The following NRXN3 variants were observed in gnomAD, a reference collection of about 807,000 sequenced individuals.
NRXN3 encodes neurexin 3.
Under a neutral mutation model 137.6 loss-of-function variants are expected in NRXN3, and 32 were observed. The ratio of observed to expected loss-of-function variants is 0.23; its 90% CI spans 0.18 to 0.31. The LOEUF is 0.31. NRXN3 is among the 10% of genes least tolerant of loss of function. NRXN3 has a pLI of 1.00. For synonymous variants in NRXN3, 798 were observed against 784.5 expected, an observed-to-expected ratio of 1.02 and a Z score of -0.29; for missense variants, 1,574 against 2,062.5, an observed-to-expected ratio of 0.76 and a Z score of 4.59.
At chr14:79,748,895 A>G (rs1326552422) in intron 19 of NRXN3, among the ~76,000 whole-genome samples, 1 of 151,818 alleles carries the variant, frequency 6.6e-6, no homozygotes, top group Non-Finnish European at 1.5e-5. Flanking sequence ...AAACATTGTG[A>G]TTGTGGCAGA....
intron 3 of NRXN3, among the ~76,000 whole-genome samples, chr14:78,284,809 G>A (rs1756454549): frequency 6.6e-6 from 1 of 152,044 alleles, no homozygotes; most frequent in South Asian, 2.1e-4. Context: ...TTAGATCCCA[G>A]CCATTGTTCT....
At chr14:79,279,278 G>C in intron 15 of NRXN3, 1 of 909,078 alleles carries the variant, frequency 1.1e-6, no homozygotes, top group Non-Finnish European at 1.3e-6. Context: ...TCCGGAGCCA[G>C]CCAGTCCCTC....
intron 10 of NRXN3, among the ~76,000 whole-genome samples, chr14:78,903,490 C>T (rs1259790040): frequency 3.3e-5 from 5 of 151,808 alleles, no homozygotes; most frequent in African/African-American, 7.3e-5. Flanking sequence ...GGTGCAGGTG[C>T]GTAAGACATA....
intron 4 of NRXN3, 42 bp downstream of exon 4, chr14:78,297,902 CT>C: frequency 6.5e-7 from 1 of 1,535,502 alleles, no homozygotes. Context: ...GCCTGAACTG[CT>C]TGCCTCCGTG....
rs1314882563 is a variant in NRXN3, at chr14:79,726,553, G to T, written c.4014+28616G>T. ...TTTAATTGATTTGTAAAGGTTAGTT[G>T]CTCAGTACTAGTGGAAAGTTTCATG... On this transcript the variant is annotated intron_variant, in intron 19 of 20. Transcript: ENST00000335750. 2.6e-5 allele frequency among the ~76,000 whole-genome samples: 4 copies of T among 152,216 alleles called. 1 individual carries two copies. In the East Asian group the frequency reaches 7.7e-4, roughly 29 times the overall value.
At chr14:79,371,733 G>A (rs1043839994) in intron 15 of NRXN3, among the ~76,000 whole-genome samples, 2 of 152,038 alleles carry the variant, frequency 1.3e-5, no homozygotes, top group Non-Finnish European at 2.9e-5. Context: ...GAACGTATAC[G>A]TTTGTGGGGA....
intron 4 of NRXN3, among the ~76,000 whole-genome samples, chr14:78,523,602 AT>A (rs1310712373): frequency 6.9e-6 from 1 of 144,374 alleles, no homozygotes; most frequent in African/African-American, 2.6e-5. Flanking sequence ...GATTGAGACC[AT>A]CCTGGCTAAC....
intron 15 of NRXN3, among the ~76,000 whole-genome samples, chr14:79,157,616 C>T (rs2060370595): frequency 6.6e-6 from 1 of 151,748 alleles, no homozygotes; most frequent in Admixed American, 6.6e-5. Context: ...AATAGTTGCC[C>T]TATCAGCATT....
chr14:78,306,616 G>A (rs1267697997), intron 4 of NRXN3, among the ~76,000 whole-genome samples: 1 of 152,148 alleles, frequency 6.6e-6, no homozygotes, highest in Non-Finnish European at 1.5e-5. Context: ...GTGTATATCT[G>A]AGTATAGGTA....
At chr14:79,476,318 CAT>C (rs1299235935) in intron 16 of NRXN3, among the ~76,000 whole-genome samples, 3 of 152,048 alleles carry the variant, frequency 2.0e-5, no homozygotes, top group Admixed American at 1.3e-4. Flanking sequence ...TGTATAACTA[CAT>C]TAGCCTCACA....
chr14:79,384,440 A>C (rs1349058003), intron 15 of NRXN3, among the ~76,000 whole-genome samples: 1 of 152,300 alleles, frequency 6.6e-6, no homozygotes, highest in Non-Finnish European at 1.5e-5. Flanking sequence ...CACTCTTTCT[A>C]AATGTGCCTT....
intron 4 of NRXN3, among the ~76,000 whole-genome samples, chr14:78,430,261 T>A (rs1467866593): frequency 6.6e-6 from 1 of 152,192 alleles, no homozygotes; most frequent in Non-Finnish European, 1.5e-5. Context: ...TGAAAAAGAA[T>A]AATTATTTTA....
At chr14:79,505,144 G>C (rs1429887783) in intron 16 of NRXN3, among the ~76,000 whole-genome samples, 1 of 151,744 alleles carries the variant, frequency 6.6e-6, no homozygotes, top group African/African-American at 2.4e-5. Flanking sequence ...GAACTTAGGA[G>C]GTGAAGGTTG....
intron 6 of NRXN3, among the ~76,000 whole-genome samples, chr14:78,679,252 A>G (rs920524336): frequency 9.2e-5 from 14 of 152,304 alleles, no homozygotes; most frequent in African/African-American, 2.6e-4. Context: ...GAAATGTATA[A>G]TTAACAATGG....
At chr14:78,715,785 A>G (rs537230918) in intron 8 of NRXN3, among the ~76,000 whole-genome samples, 8 of 152,250 alleles carry the variant, frequency 5.3e-5, no homozygotes, top group African/African-American at 1.9e-4. Flanking sequence ...TACCTACCTC[A>G]CAAGATACTG....
intron 19 of NRXN3, among the ~76,000 whole-genome samples, chr14:79,768,740 T>C (rs551623067): frequency 5.4e-4 from 82 of 152,304 alleles, no homozygotes; most frequent in African/African-American, 1.9e-3. Context: ...AGGAATGCAG[T>C]TCCTCACCAG....
intron 4 of NRXN3, among the ~76,000 whole-genome samples, chr14:78,524,423 A>G (rs535323058): frequency 5.3e-4 from 81 of 152,378 alleles, no homozygotes; most frequent in African/African-American, 1.9e-3. Context: ...CAAAGGGACT[A>G]TCTGAGATCA....
intron 15 of NRXN3, among the ~76,000 whole-genome samples, chr14:79,051,586 A>AT (rs1568120044): frequency 6.6e-6 from 1 of 152,058 alleles, no homozygotes. Flanking sequence ...ATGCTTAGCT[A>AT]TTTCAGAGCT....
intron 15 of NRXN3, among the ~76,000 whole-genome samples, chr14:79,429,972 AG>A (rs1193221418): frequency 3.3e-5 from 5 of 151,120 alleles, no homozygotes; most frequent in Admixed American, 2.0e-4. Flanking sequence ...TCTTGTTGTC[AG>A]GAAAAAAAAA....
Sources: gnomAD v4.1 joint callset for allele counts (sites outside exome capture counted in the v4.1 genomes callset) on GRCh38, gnomAD v4.1.1 for gene constraint, MANE v1.5 for transcripts, NCBI Gene and HGNC (gene_info 2026-07-23, HGNC 2026-07-21) for gene names.